Variants in PXDNL observed in about 807,000 individuals in gnomAD.
PXDNL encodes the protein peroxidasin like.
A neutral mutation model predicts 150.8 loss-of-function variants in PXDNL; 145 were observed. The observed-to-expected ratio is 0.96, with a 90% confidence interval of 0.84 to 1.10. PXDNL has a LOEUF of 1.10. Among genes scored for constraint, PXDNL ranks in the 50% least tolerant of loss-of-function variants. PXDNL has a pLI of 0.00. For synonymous variants in PXDNL, 757 were observed against 725.7 expected (o/e 1.04, Z -0.69); for missense variants, 2,087 against 1,873.9 (o/e 1.11, Z -2.10).
intron 14 of PXDNL, among the ~76,000 whole-genome samples, chr8:51,418,446 T>TTG (rs1808859273): frequency 6.6e-6 from 1 of 152,320 alleles, no homozygotes; most frequent in South Asian, 2.1e-4. Flanking sequence ...TTTTGATACT[T>TTG]TATTGTCCAC....
At chr8:51,681,721 G>A (rs1815754229) in intron 1 of PXDNL, among the ~76,000 whole-genome samples, 1 of 152,226 alleles carries the variant, frequency 6.6e-6, no homozygotes, top group South Asian at 2.1e-4. Flanking sequence ...AATCCAACTT[G>A]TAAATTGAAG....
chr8:51,405,043 G>A (rs1240047450), intron 17 of PXDNL, among the ~76,000 whole-genome samples: 3 of 152,164 alleles, frequency 2.0e-5, no homozygotes, highest in African/African-American at 7.2e-5. Context: ...GCAGCTGCTG[G>A]CCCGGGTGCT....
At chr8:51,461,714 G>A (rs1810087546) in intron 8 of PXDNL, among the ~76,000 whole-genome samples, 1 of 152,186 alleles carries the variant, frequency 6.6e-6, no homozygotes, top group Non-Finnish European at 1.5e-5. Context: ...AAGAGTGAGG[G>A]TAGAACAGCC....
At chr8:51,609,374 G>A (rs532057445) in intron 2 of PXDNL, among the ~76,000 whole-genome samples, 1 of 152,304 alleles carries the variant, frequency 6.6e-6, no homozygotes, top group African/African-American at 2.4e-5. Flanking sequence ...CTGGAAATAT[G>A]GGATTGTCCT....
chr8:51,707,926 C>G (rs140445569), intron 1 of PXDNL, among the ~76,000 whole-genome samples: 19 of 152,154 alleles, frequency 1.2e-4, no homozygotes, highest in African/African-American at 4.6e-4. Context: ...CATGCACACA[C>G]GCACATACAA....
chr8:51,599,555 C>T (rs988788933), intron 2 of PXDNL, among the ~76,000 whole-genome samples: 1 of 149,308 alleles, frequency 6.7e-6, no homozygotes, highest in African/African-American at 2.4e-5. Flanking sequence ...ATTTTTATTC[C>T]ACTGTGGCCC....
chr8:51,443,347 T>C (rs1286238808), intron 12 of PXDNL, among the ~76,000 whole-genome samples: 1 of 152,158 alleles, frequency 6.6e-6, no homozygotes, highest in African/African-American at 2.4e-5. Flanking sequence ...AGCTCTTTTT[T>C]CATTATGTTT....
At chr8:51,425,469 T>A (rs1809066180) in intron 13 of PXDNL, among the ~76,000 whole-genome samples, 1 of 152,148 alleles carries the variant, frequency 6.6e-6, no homozygotes, top group African/African-American at 2.4e-5. Context: ...AAATGTATAT[T>A]TTTCACACTT....
chr8:51,484,900 G>C (rs1023175287), intron 5 of PXDNL, among the ~76,000 whole-genome samples: 6 of 152,200 alleles, frequency 3.9e-5, no homozygotes, highest in Non-Finnish European at 8.8e-5. Flanking sequence ...TTGGCAAAGA[G>C]CCTATGTGTG....
chr8:51,560,149 G>A (rs1812690522), intron 3 of PXDNL, among the ~76,000 whole-genome samples: 1 of 151,972 alleles, frequency 6.6e-6, no homozygotes, highest in South Asian at 2.1e-4. Flanking sequence ...AAACATTACT[G>A]TAAGAAATTA....
chr8:51,449,186 A>C (rs2129943059), intron 10 of PXDNL, 68 bp from the exon 11 acceptor site: 1 of 802,826 alleles, frequency 1.2e-6, no homozygotes, highest in South Asian at 1.6e-5. Context: ...AATAGAAAAA[A>C]GAAAATGTCT....
At chr8:51,706,974 G>A (rs1022735931) in intron 1 of PXDNL, among the ~76,000 whole-genome samples, 3 of 152,124 alleles carry the variant, frequency 2.0e-5, no homozygotes, top group Admixed American at 2.0e-4. Context: ...ATTCCAATGA[G>A]TTCTGCTCTC....
rs532590980 is a variant in PXDNL at position 51,422,260 on chromosome 8, A to G, written c.1795+1315T>C. Among the ~76,000 whole-genome samples, 4 of 152,296 alleles carry G rather than the reference A, an allele frequency of 2.6e-5. No homozygotes were observed. In the East Asian group the frequency reaches 7.7e-4, roughly 29 times the overall value. On this transcript the variant is annotated intron_variant, in intron 14 of 22. Coordinates refer to ENST00000356297, the MANE Select transcript of PXDNL (RefSeq NM_144651.5). Reference sequence around the variant, plus strand: ...ATATGTTACAATGTAATAATAATAGATATAAAGTGCACAATAAATGTAATG... The same window carrying G: ...ATATGTTACAATGTAATAATAATAGGTATAAAGTGCACAATAAATGTAATG...
chr8:51,730,132 T>C (rs894796619), intron 1 of PXDNL, among the ~76,000 whole-genome samples: 3 of 152,274 alleles, frequency 2.0e-5, no homozygotes, highest in African/African-American at 4.8e-5. Context: ...CTTTAAGTAA[T>C]AAATATGTGT....
At chr8:51,705,798 G>A (rs910882183) in intron 1 of PXDNL, among the ~76,000 whole-genome samples, 3 of 148,118 alleles carry the variant, frequency 2.0e-5, no homozygotes, top group Admixed American at 6.8e-5. Context: ...AACCCTCCTG[G>A]TGAAAACACT....
At chr8:51,616,799 A>T (rs1178355922) in intron 2 of PXDNL, among the ~76,000 whole-genome samples, 1 of 152,194 alleles carries the variant, frequency 6.6e-6, no homozygotes, top group Non-Finnish European at 1.5e-5. Context: ...AAATATTTTC[A>T]ATCCGAGGTC....
At chr8:51,764,826 C>T (rs1349377781) in intron 1 of PXDNL, among the ~76,000 whole-genome samples, 5 of 152,120 alleles carry the variant, frequency 3.3e-5, no homozygotes, top group African/African-American at 4.8e-5. Context: ...GGTCTAGCTG[C>T]GTTATGGTGT....
intron 21 of PXDNL, among the ~76,000 whole-genome samples, chr8:51,339,332 C>T (rs187612058): frequency 7.9e-5 from 12 of 152,250 alleles, no homozygotes; most frequent in Admixed American, 1.3e-4. Flanking sequence ...TAGTGACGGA[C>T]GCCTGTAATC....
At chr8:51,544,332 A>C (rs1205401614) in intron 4 of PXDNL, among the ~76,000 whole-genome samples, 2 of 152,192 alleles carry the variant, frequency 1.3e-5, no homozygotes, top group East Asian at 3.9e-4. Context: ...ATAATAAATT[A>C]TCATCCATTT....
Sources: allele counts gnomAD v4.1 joint callset (sites outside exome capture counted in the v4.1 genomes callset), GRCh38; gene constraint gnomAD v4.1.1; transcripts MANE v1.5; gene names NCBI Gene and HGNC (gene_info 2026-07-23, HGNC 2026-07-21).